DLGAP1: variants seen among roughly 807,000 people sequenced by gnomAD.
DLGAP1 encodes the protein disks large-associated protein 1.
A neutral mutation model predicts 90.8 loss-of-function variants in DLGAP1; 11 were observed. The observed-to-expected ratio is 0.12, with a 90% CI of 0.08 to 0.20. DLGAP1 has a LOEUF of 0.20. Ranked by LOEUF, DLGAP1 falls within the 10% of genes least tolerant of loss-of-function variation. DLGAP1 has a pLI of 1.00. For missense variants in DLGAP1, 1,050 were observed against 1,333.8 expected (o/e 0.79, Z 3.31); for synonymous variants, 558 against 540.7 (o/e 1.03, Z -0.44).
chr18:3,923,909 A>C (rs1054039681), intron 3 of DLGAP1, among the ~76,000 whole-genome samples: 5 of 152,222 alleles, frequency 3.3e-5, no homozygotes, highest in African/African-American at 1.2e-4. Flanking sequence ...ATCTTAAAGG[A>C]GATGGTGCTG....
intron 3 of DLGAP1, among the ~76,000 whole-genome samples, chr18:3,913,859 T>C (rs1420642284): frequency 6.6e-6 from 1 of 152,182 alleles, no homozygotes; most frequent in Admixed American, 6.5e-5. Context: ...AAGGTTGATA[T>C]ATATTTTTCC....
chr18:4,025,319 G>A (rs1173881106), intron 2 of DLGAP1, among the ~76,000 whole-genome samples: 1 of 127,608 alleles, frequency 7.8e-6, no homozygotes, highest in African/African-American at 3.5e-5. Context: ...ATACTCCAAT[G>A]AGCATTTTTT....
chr18:3,858,489 T>TAC (rs35836981), intron 4 of DLGAP1, among the ~76,000 whole-genome samples: 3 of 147,512 alleles, frequency 2.0e-5, no homozygotes, highest in East Asian at 2.0e-4. Flanking sequence ...TATATATATA[T>TAC]ACGTGTATAT....
intron 3 of DLGAP1, among the ~76,000 whole-genome samples, chr18:3,961,268 G>C (rs1278160896): frequency 6.6e-6 from 1 of 152,148 alleles, no homozygotes; most frequent in Non-Finnish European, 1.5e-5. Context: ...TTTGTAGCTA[G>C]GTTTTCTGGT....
intron 7 of DLGAP1, among the ~76,000 whole-genome samples, chr18:3,717,715 C>T (rs1320589915): frequency 2.0e-5 from 3 of 152,126 alleles, no homozygotes; most frequent in Non-Finnish European, 4.4e-5. Context: ...CAGCAAATTT[C>T]CAGAGGAAAT....
chr18:3,740,563 T>C (rs541310069), intron 6 of DLGAP1, among the ~76,000 whole-genome samples: 1 of 152,258 alleles, frequency 6.6e-6, no homozygotes, highest in African/African-American at 2.4e-5. Context: ...GAGCTTAATT[T>C]TGTTGATAGG....
At chr18:4,427,892 A>G (rs1166143108) in intron 1 of DLGAP1, among the ~76,000 whole-genome samples, 1 of 152,222 alleles carries the variant, frequency 6.6e-6, no homozygotes, top group Non-Finnish European at 1.5e-5. Context: ...CATTGTGTCA[A>G]TGCTCACTGT....
At chr18:4,324,771 G>A (rs1361404300) in intron 1 of DLGAP1, among the ~76,000 whole-genome samples, 1 of 41,436 alleles carries the variant, frequency 2.4e-5, no homozygotes, top group African/African-American at 1.9e-4. Flanking sequence ...AAAACCACAT[G>A]ATTACCTTAA....
chr18:3,941,996 C>A (rs1200499676), intron 3 of DLGAP1, among the ~76,000 whole-genome samples: 3 of 152,154 alleles, frequency 2.0e-5, no homozygotes, highest in African/African-American at 7.2e-5. Context: ...GGTCTTTAAT[C>A]ATCTGAGGGG....
intron 2 of DLGAP1, among the ~76,000 whole-genome samples, chr18:4,085,440 C>G (rs34016362): frequency 6.6e-6 from 1 of 152,128 alleles, no homozygotes; most frequent in Non-Finnish European, 1.5e-5. Context: ...ACCTAGGAAG[C>G]CTTTATTCCC....
chr18:3,564,260 G>A (rs62084015), intron 9 of DLGAP1, among the ~76,000 whole-genome samples: 1 of 152,208 alleles, frequency 6.6e-6, no homozygotes, highest in Non-Finnish European at 1.5e-5. Flanking sequence ...GCCTTTTGGT[G>A]AGCCTGTGCT....
chr18:3,780,649 A>G (rs984735597), intron 5 of DLGAP1, among the ~76,000 whole-genome samples: 3 of 152,072 alleles, frequency 2.0e-5, no homozygotes, highest in Non-Finnish European at 4.4e-5. Flanking sequence ...CTTAATTCCA[A>G]CTGGAATCTT....
chr18:3,540,829 T>A (rs1027294132), intron 9 of DLGAP1, among the ~76,000 whole-genome samples: 1 of 152,220 alleles, frequency 6.6e-6, no homozygotes, highest in African/African-American at 2.4e-5. Flanking sequence ...ATAATTGTGA[T>A]GTTTTTCTCA....
At chr18:3,881,636 G>A (rs1416258101) in intron 3 of DLGAP1, among the ~76,000 whole-genome samples, 1 of 152,176 alleles carries the variant, frequency 6.6e-6, no homozygotes, top group East Asian at 1.9e-4. Context: ...AAGATGAGCC[G>A]GGCGCGGTGG....
At chr18:3,950,001 T>C (rs531141346) in intron 3 of DLGAP1, among the ~76,000 whole-genome samples, 1 of 152,320 alleles carries the variant, frequency 6.6e-6, no homozygotes, top group African/African-American at 2.4e-5. Flanking sequence ...CTTTTAACAA[T>C]ATCTGAGATT....
At chr18:4,428,114 T>G (rs1249879412) in intron 1 of DLGAP1, among the ~76,000 whole-genome samples, 1 of 152,204 alleles carries the variant, frequency 6.6e-6, no homozygotes. Context: ...TGATACAGTT[T>G]AAATCTGGGT....
At chr18:3,755,704 A>G (rs1294226933) in intron 5 of DLGAP1, among the ~76,000 whole-genome samples, 1 of 152,234 alleles carries the variant, frequency 6.6e-6, no homozygotes, top group African/African-American at 2.4e-5. Flanking sequence ...GTATAAATGA[A>G]TAATTCAACA....
chr18:4,197,551 TGACAAGGGG>T (rs1481915552), intron 1 of DLGAP1, among the ~76,000 whole-genome samples: 1 of 152,026 alleles, frequency 6.6e-6, no homozygotes, highest in African/African-American at 2.4e-5. Flanking sequence ...TGATAGGATT[TGACAAGGGG>T]GACAAGAGAG....
intron 7 of DLGAP1, chr18:3,603,770 G>C (rs1224826055): frequency 6.5e-6 from 1 of 154,370 alleles, no homozygotes; most frequent in Non-Finnish European, 1.5e-5. Context: ...ACACAAAAGA[G>C]CTCCTGTTGA....
Sources: gnomAD v4.1 joint callset for allele counts (sites outside exome capture counted in the v4.1 genomes callset) on GRCh38, gnomAD v4.1.1 for gene constraint, MANE v1.5 for transcripts, NCBI Gene and HGNC (gene_info 2026-07-23, HGNC 2026-07-21) for gene names.